The following CHL1 variants were observed in gnomAD, a reference collection of about 807,000 sequenced individuals.
CHL1 encodes cell adhesion molecule L1 like.
In CHL1, 96 loss-of-function variants were observed where a neutral mutation model predicts 141.9. That is an observed-to-expected ratio of 0.68 (90% CI 0.57 to 0.80). CHL1 has a LOEUF of 0.80. CHL1 is among the 30% of genes least tolerant of loss of function. The probability of loss-of-function intolerance (pLI) is 0.00; values close to 1 mark genes in which losing one functional copy is unlikely to be tolerated. For missense variants in CHL1, 1,820 were observed against 1,457.2 expected (o/e 1.25, Z -4.05); for synonymous variants, 613 against 502.2 (o/e 1.22, Z -2.95).
intron 1 of CHL1, among the ~76,000 whole-genome samples, chr3:225,958 G>C (rs536794733): frequency 6.6e-6 from 1 of 151,642 alleles, no homozygotes; most frequent in Non-Finnish European, 1.5e-5. Context: ...GCAGTGAGCC[G>C]AGATAGCACC....
chr3:331,864 T>C (rs62227240), intron 5 of CHL1, among the ~76,000 whole-genome samples: 12,306 of 152,232 alleles, frequency 0.081, 554 homozygotes, highest in South Asian at 0.13. Flanking sequence ...AGACCTATTG[T>C]AACCCTAGTG....
intron 2 of CHL1, among the ~76,000 whole-genome samples, chr3:286,610 C>CAAA (rs537257607): frequency 0.03 from 3,390 of 111,940 alleles, 62 homozygotes; most frequent in Middle Eastern, 0.043. Context: ...GACTTTGTCT[C>CAAA]AAAAAAAAAA....
chr3:381,979 T>G (rs1257982488), intron 16 of CHL1, among the ~76,000 whole-genome samples, 200 bp from the exon 17 acceptor site: 1 of 147,788 alleles, frequency 6.8e-6, no homozygotes, highest in African/African-American at 2.5e-5. Context: ...TTTATTTACT[T>G]CTTAGGGCTA....
At position 315,567 on chromosome 3, in the gene CHL1, G is replaced by A. The variant is rs1340937162; in HGVS notation, c.-94-4116G>A. Among the ~76,000 whole-genome samples the A allele has an allele frequency of 2.0e-4, 31 of 152,114 alleles. 1 individual carries two copies. Among genetic ancestry groups the A allele is most frequent in the Non-Finnish European group, 2.9e-5 (2 of 68,018 alleles). ...GTGGTCACTTTATAATACTCATGAT[G>A]TGTATGTTAGAGGCTTCTGTTTTGA... On this transcript the variant is annotated intron_variant, in intron 2 of 27. Coordinates refer to ENST00000256509, the MANE Select transcript of CHL1 (RefSeq NM_006614.4).
intron 5 of CHL1, among the ~76,000 whole-genome samples, chr3:331,855 G>T (rs1014950678): frequency 2.6e-5 from 4 of 152,146 alleles, no homozygotes; most frequent in Non-Finnish European, 5.9e-5. Flanking sequence ...ACCAGAAACA[G>T]ACCTATTGTA....
At chr3:403,069 A>G (rs533938579) in intron 27 of CHL1, among the ~76,000 whole-genome samples, 1 of 152,332 alleles carries the variant, frequency 6.6e-6, no homozygotes, top group South Asian at 2.1e-4. Flanking sequence ...CAGCCAAAGC[A>G]CAAATCATTC....
chr3:272,086 T>C (rs1217385216), intron 2 of CHL1, among the ~76,000 whole-genome samples: 1 of 152,346 alleles, frequency 6.6e-6, no homozygotes, highest in East Asian at 1.9e-4. Flanking sequence ...AACATTCATA[T>C]AGATAATCTT....
rs1417809188 is a variant in CHL1 at position 237,117 on chromosome 3, C to T, written c.-174-7496C>T. On this transcript the variant is annotated intron_variant, in intron 1 of 27. Transcript: ENST00000256509. ...TTTGGCTCTGTGTTCTCACCTAAAT[C>T]TTATCTCAAATTGTAATCCCCATGT... Among the ~76,000 whole-genome samples the T allele has an allele frequency of 3.9e-5, 6 of 152,306 alleles. No individual in the cohort carries two copies. In the East Asian group the frequency reaches 1.2e-3, roughly 29 times the overall value.
intron 1 of CHL1, among the ~76,000 whole-genome samples, chr3:235,833 C>T (rs868246447): frequency 2.0e-5 from 3 of 152,142 alleles, no homozygotes; most frequent in African/African-American, 7.2e-5. Flanking sequence ...TGATTTCTTT[C>T]GGTATACTAT....
chr3:315,385 A>G (rs903031073), intron 2 of CHL1, among the ~76,000 whole-genome samples: 3 of 152,142 alleles, frequency 2.0e-5, no homozygotes, highest in Admixed American at 2.0e-4. Flanking sequence ...AGGCCACAGT[A>G]GCTTTGCACT....
chr3:401,677 A>T lies in CHL1; in HGVS notation c.3437A>T (p.Asp1146Val). The change falls in exon 27 of 28, where the codon GAT (aspartate) becomes GTT (valine). Residue 1146 changes from aspartate (D) to valine (V), a missense_variant. Physicochemically the swap from Asp to Val is radical, Grantham distance 152. Transcript: ENST00000256509. ...HPDPEIQSVK[D>V]ETFGEYSDSD... ...GACCCAGAAATTCAGTCAGTAAAAG[A>T]TGAAACCTTTGGTGAATACAGGTAA... is the stretch of plus-strand genomic sequence containing the variant. The T allele has an allele frequency of 1.3e-6, 2 of 1,593,118 alleles. No individual in the cohort carries two copies. Among genetic ancestry groups the T allele is most frequent in the Non-Finnish European group, 1.7e-6 (2 of 1,169,434 alleles).
intron 3 of CHL1, among the ~76,000 whole-genome samples, chr3:322,672 T>TTATATA (rs1199118265): frequency 2.3e-5 from 3 of 127,864 alleles, no homozygotes; most frequent in Admixed American, 8.0e-5. Flanking sequence ...ATATATATAA[T>TTATATA]TATATATATA....
chr3:303,812 A>G (rs1228871820), intron 2 of CHL1, among the ~76,000 whole-genome samples: 1 of 152,198 alleles, frequency 6.6e-6, no homozygotes, highest in East Asian at 1.9e-4. Context: ...TGGTTTTCAA[A>G]GGGAATGCTT....
intron 1 of CHL1, among the ~76,000 whole-genome samples, chr3:223,334 T>C: frequency 6.6e-6 from 1 of 152,230 alleles, no homozygotes; most frequent in Non-Finnish European, 1.5e-5. Flanking sequence ...TATTAGAAGA[T>C]AAACATCCTC....
At chr3:394,629 T>C in intron 23 of CHL1, 64 bp from the exon 24 acceptor site, 1 of 1,171,540 alleles carries the variant, frequency 8.5e-7, no homozygotes. Context: ...GAAATGAAAA[T>C]AATGAAGAAT....
At chr3:286,685 C>T (rs1697187750) in intron 2 of CHL1, among the ~76,000 whole-genome samples, 1 of 151,444 alleles carries the variant, frequency 6.6e-6, no homozygotes, top group Non-Finnish European at 1.5e-5. Context: ...AGAACAGAAG[C>T]ATGAGCTACC....
chr3:260,336 T>G (rs1694599197), intron 2 of CHL1, among the ~76,000 whole-genome samples: 1 of 152,208 alleles, frequency 6.6e-6, no homozygotes. Flanking sequence ...AAGGAAAACA[T>G]AAGTCTGTAT....
At chr3:370,302 A>C (rs1467928244) in intron 15 of CHL1, among the ~76,000 whole-genome samples, 1 of 152,166 alleles carries the variant, frequency 6.6e-6, no homozygotes, top group Non-Finnish European at 1.5e-5. Flanking sequence ...CAGGGATTCA[A>C]CTTCTTCTGG....
At chr3:401,784 A>G in intron 27 of CHL1, 86 bp downstream of exon 27, 1 of 760,862 alleles carries the variant, frequency 1.3e-6, no homozygotes, top group Non-Finnish European at 2.1e-6. Flanking sequence ...ATTCTTAATA[A>G]AAAGGTTACA....
Sources: allele counts gnomAD v4.1 joint callset (sites outside exome capture counted in the v4.1 genomes callset), GRCh38; gene constraint gnomAD v4.1.1; transcripts MANE v1.5; gene names NCBI Gene and HGNC (gene_info 2026-07-23, HGNC 2026-07-21).